The following PRDM16 variants were observed in gnomAD, a reference collection of about 807,000 sequenced individuals.
PRDM16 encodes the protein PR/SET domain 16, also known as histone-lysine N-methyltransferase PRDM16.
PRDM16 carries 23 observed loss-of-function variants against 110.6 expected under a neutral mutation model. The ratio of observed to expected loss-of-function variants is 0.21; its 90% confidence interval spans 0.15 to 0.29. PRDM16 has a LOEUF of 0.29. Among genes scored for constraint, PRDM16 ranks in the 10% least tolerant of loss-of-function variants. PRDM16 has a pLI of 1.00. For synonymous variants in PRDM16, 799 were observed against 781.8 expected (o/e 1.02, Z -0.37); for missense variants, 1,615 against 1,794.3 (o/e 0.90, Z 1.81).
intron 1 of PRDM16, among the ~76,000 whole-genome samples, chr1:3,183,599 G>A (rs1011682115): frequency 2.6e-5 from 4 of 152,226 alleles, no homozygotes; most frequent in African/African-American, 9.6e-5. Flanking sequence ...GGGAGGCCGG[G>A]GGCCCAATGC....
intron 1 of PRDM16, among the ~76,000 whole-genome samples, chr1:3,109,464 A>G (rs1052477709): frequency 2.0e-5 from 3 of 152,186 alleles, no homozygotes; most frequent in Non-Finnish European, 2.9e-5. Context: ...AGCTCCCTAA[A>G]CAGACGCTAA....
At chr1:3,376,225 T>G (rs1380008157) in intron 3 of PRDM16, among the ~76,000 whole-genome samples, 2 of 152,202 alleles carry the variant, frequency 1.3e-5, no homozygotes, top group Non-Finnish European at 2.9e-5. Context: ...ATTTCTGGTC[T>G]GTGGCTTTTA....
rs368073318 is a variant in PRDM16 at position 3,411,733 on chromosome 1, C to T, written c.1536C>T (p.Pro512=). The T allele has an allele frequency of 2.5e-5, 41 of 1,611,316 alleles. No individual in the cohort carries two copies. The highest frequency in any genetic ancestry group is 6.7e-5 in the Admixed American group (4 of 59,856). Residue 512 remains proline (P), a synonymous_variant, in exon 9 of 17, where the codon CCC becomes CCT. Coordinates refer to ENST00000270722, the MANE Select transcript of PRDM16 (RefSeq NM_022114.4). ...CTCCCACGTTCCCCGCACTCACCCC[C>T]GGCTTCCCGGGCATCTTCCCTCCAT... ...TAPPTFPALT[P]GFPGIFPPSL...
intron 3 of PRDM16, among the ~76,000 whole-genome samples, chr1:3,289,179 C>G (rs1449187196): frequency 6.6e-6 from 1 of 152,210 alleles, no homozygotes; most frequent in African/African-American, 2.4e-5. Flanking sequence ...GAGGGAGACC[C>G]ACCAGTGTGG....
intron 3 of PRDM16, among the ~76,000 whole-genome samples, chr1:3,377,069 TGTGTGCGCAC>T (rs1333472425): frequency 2.6e-5 from 4 of 152,372 alleles, no homozygotes; most frequent in South Asian, 2.1e-4. Flanking sequence ...GTGACCATTG[TGTGTGCGCAC>T]GTGTGCGCAT....
In PRDM16 at chr1:3,434,581, C is replaced by T. The variant is rs1031570160; in HGVS notation, c.*770C>T. 1.3e-5 allele frequency: 3 copies of T among 231,962 alleles called. No individual in the cohort carries two copies. Among genetic ancestry groups the T allele is most frequent in the African/African-American group, 4.4e-5 (2 of 45,270 alleles). 14.4% of individuals were successfully genotyped at this position (231,962 alleles called of 1,614,324 possible). On this transcript the variant is annotated 3_prime_UTR_variant, in exon 17 of 17. Coordinates refer to ENST00000270722, the MANE Select transcript of PRDM16 (RefSeq NM_022114.4). The stretch of plus-strand genomic sequence containing the variant: ...ACGGCCGAAGAAGTCTTAGGCAGGG[C>T]GCCCTGGGCTGCAGGCCTGCCCGAG...
chr1:3,120,126 G>C (rs551118746), intron 1 of PRDM16, among the ~76,000 whole-genome samples: 28 of 152,358 alleles, frequency 1.8e-4, no homozygotes, highest in African/African-American at 6.5e-4. Flanking sequence ...GCTTCCGTGG[G>C]GGATGGCAGG....
chr1:3,292,162 A>G (rs1640987462), intron 3 of PRDM16, among the ~76,000 whole-genome samples: 1 of 152,168 alleles, frequency 6.6e-6, no homozygotes, highest in Non-Finnish European at 1.5e-5. Context: ...CACGTGACGG[A>G]TTTATTGAGG....
chr1:3,395,573 C>G (rs1643373012), intron 4 of PRDM16, among the ~76,000 whole-genome samples: 1 of 152,196 alleles, frequency 6.6e-6, no homozygotes, highest in Admixed American at 6.5e-5. Context: ...GTGACTCCCC[C>G]AAGAGAAACA....
At chr1:3,279,229 C>T (rs558577024) in intron 3 of PRDM16, among the ~76,000 whole-genome samples, 135 of 152,374 alleles carry the variant, frequency 8.9e-4, no homozygotes, top group African/African-American at 2.7e-3. Flanking sequence ...CGCAGGCCCT[C>T]GGCTCAGCAG....
intron 2 of PRDM16, among the ~76,000 whole-genome samples, chr1:3,225,159 GAA>G (rs57750843): frequency 3.1e-4 from 46 of 150,636 alleles, no homozygotes; most frequent in African/African-American, 9.5e-4. Context: ...AGCTTGGAAG[GAA>G]AAAAAAAGGC....
intron 3 of PRDM16, among the ~76,000 whole-genome samples, chr1:3,271,296 T>C (rs531920922): frequency 1.3e-5 from 2 of 152,288 alleles, no homozygotes; most frequent in Non-Finnish European, 2.9e-5. Context: ...CTCTGCAAGA[T>C]GTCTAAGAGC....
intron 3 of PRDM16, among the ~76,000 whole-genome samples, chr1:3,294,240 T>C (rs1641038808): frequency 6.6e-6 from 1 of 152,116 alleles, no homozygotes; most frequent in Non-Finnish European, 1.5e-5. Flanking sequence ...AGAGCTTCTC[T>C]TGGGGGCAGA....
intron 1 of PRDM16, among the ~76,000 whole-genome samples, chr1:3,087,506 C>T (rs895383348): frequency 6.6e-6 from 1 of 152,210 alleles, no homozygotes; most frequent in African/African-American, 2.4e-5. Flanking sequence ...GCGGGCTACT[C>T]AGCCCCAAAA....
Position 3,208,153 on chromosome 1 carries a change from G to A in PRDM16, c.387+21679G>A, listed in dbSNP as rs1638797147. On this transcript the variant is annotated intron_variant, in intron 2 of 16. Transcript: ENST00000270722. The surrounding 1 kb of genome is among the most constrained non-coding windows in gnomAD (Gnocchi z 6.1). ...CATGGCAGCTCCGTCTACAGCCCGA[G>A]GGCCCCATAACCAGCCAGAGTGGCC... 6.6e-6 allele frequency: 1 copy of A among 152,304 alleles called. No individual in the cohort carries two copies. The highest frequency in any genetic ancestry group is 1.5e-5 in the Non-Finnish European group (1 of 68,148). 9.4% of individuals were successfully genotyped at this position (152,304 alleles called of 1,614,324 possible).
In PRDM16 at chr1:3,411,734, G is replaced by A. The variant is rs200278862; in HGVS notation, c.1537G>A (p.Gly513Ser). The change falls in exon 9 of 17, where the codon GGC becomes AGC. Residue 513 changes from glycine to serine, a missense_variant. Gly to Ser is a moderately conservative substitution (Grantham distance 56). This residue lies in a region of PRDM16 where 772 missense variants were observed against 748.3 expected (regional missense o/e 1.03). Coordinates refer to ENST00000270722, the MANE Select transcript of PRDM16 (RefSeq NM_022114.4). Reference protein sequence around the residue: ...APPTFPALTPGFPGIFPPSLY... With the variant: ...APPTFPALTPSFPGIFPPSLY... ...TCCCACGTTCCCCGCACTCACCCCCGGCTTCCCGGGCATCTTCCCTCCATC... is the reference window on the plus strand; with the variant it reads ...TCCCACGTTCCCCGCACTCACCCCCAGCTTCCCGGGCATCTTCCCTCCATC... 1.5e-4 allele frequency: 248 copies of A among 1,611,286 alleles called. No homozygotes were observed. The highest frequency in any genetic ancestry group is 2.0e-4 in the Non-Finnish European group (231 of 1,178,888).
At chr1:3,263,513 C>T (rs1293015951) in intron 3 of PRDM16, among the ~76,000 whole-genome samples, 1 of 152,216 alleles carries the variant, frequency 6.6e-6, no homozygotes, top group African/African-American at 2.4e-5. Flanking sequence ...CACAGAGATC[C>T]CAGAAGAGCC....
chr1:3,312,723 G>C (rs1479298590), intron 3 of PRDM16, among the ~76,000 whole-genome samples: 1 of 152,254 alleles, frequency 6.6e-6, no homozygotes, highest in Non-Finnish European at 1.5e-5. Flanking sequence ...CGCTTTTCAG[G>C]CATGTTCCAA....
intron 8 of PRDM16, among the ~76,000 whole-genome samples, chr1:3,408,205 C>A (rs1301028712): frequency 6.6e-6 from 1 of 152,204 alleles, no homozygotes; most frequent in Non-Finnish European, 1.5e-5. Context: ...GGTGACACAC[C>A]CATGGCACAG....
Sources: allele counts gnomAD v4.1 joint callset (sites outside exome capture counted in the v4.1 genomes callset), GRCh38; gene constraint gnomAD v4.1.1; regional missense constraint gnomAD v4.1.1; non-coding constraint Gnocchi (gnomAD v3.1); transcripts MANE v1.5; gene names NCBI Gene and HGNC (gene_info 2026-07-23, HGNC 2026-07-21).